USP47: variants seen among roughly 807,000 people sequenced by gnomAD.
USP47 encodes the protein ubiquitin carboxyl-terminal hydrolase 47.
In USP47, 35 loss-of-function variants were observed where a neutral mutation model predicts 165.1. The observed-to-expected ratio is 0.21, with a 90% confidence interval of 0.16 to 0.28. USP47 has a LOEUF of 0.28. Ranked by LOEUF, USP47 falls within the 10% of genes least tolerant of loss-of-function variation. The pLI is 1.00. For missense variants in USP47, 1,277 were observed against 1,607.4 expected (o/e 0.79, Z 3.52); for synonymous variants, 531 against 544.5 (o/e 0.98, Z 0.35).
intron 3 of USP47, among the ~76,000 whole-genome samples, chr11:11,890,631 A>G (rs538180056): frequency 6.6e-6 from 1 of 152,312 alleles, no homozygotes; most frequent in East Asian, 1.9e-4. Flanking sequence ...AGGCAGAAAT[A>G]CCATTTGACC....
At chr11:11,908,216 G>A (rs1852710133) in intron 8 of USP47, among the ~76,000 whole-genome samples, 1 of 152,172 alleles carries the variant, frequency 6.6e-6, no homozygotes, top group African/African-American at 2.4e-5. Flanking sequence ...AATATTATGG[G>A]TTTAATTTCA....
At chr11:11,913,224 G>T (rs1261543613) in intron 8 of USP47, among the ~76,000 whole-genome samples, 1 of 133,992 alleles carries the variant, frequency 7.5e-6, no homozygotes, top group Non-Finnish European at 1.6e-5. Flanking sequence ...GTATTTTTAG[G>T]TGATATGATT....
intron 7 of USP47, among the ~76,000 whole-genome samples, chr11:11,904,056 A>T (rs770512023): frequency 2.2e-4 from 33 of 152,170 alleles, no homozygotes; most frequent in Non-Finnish European, 4.4e-4. Context: ...AAATCAGTTT[A>T]TTGGGCCTAC....
intron 1 of USP47, 22 bp from the exon 2 acceptor site, chr11:11,880,155 C>T: frequency 1.4e-6 from 2 of 1,431,402 alleles, no homozygotes; most frequent in South Asian, 1.4e-5. Context: ...TATATAAAGT[C>T]ATATTTTTCT....
At chr11:11,869,173 CTAAGGACTCTGCCTAGCCTGA>C (rs1171993488) in intron 1 of USP47, among the ~76,000 whole-genome samples, 8 of 152,224 alleles carry the variant, frequency 5.3e-5, no homozygotes, top group African/African-American at 1.4e-4. Context: ...GGTGTCAAGG[CTAAGGACTCTGCCTAGCCTGA>C]GTACTGAGAA....
At chr11:11,930,953 T>C (rs1354963397) in intron 14 of USP47, among the ~76,000 whole-genome samples, 1 of 152,216 alleles carries the variant, frequency 6.6e-6, no homozygotes, top group Non-Finnish European at 1.5e-5. Context: ...TTTTTTAATA[T>C]ATGAAGAGAC....
intron 1 of USP47, chr11:11,873,838 A>T (rs754410503): frequency 5.2e-5 from 77 of 1,490,440 alleles, no homozygotes; most frequent in Non-Finnish European, 6.7e-5. Flanking sequence ...TCTTTGATGA[A>T]ATGAAGAAGA....
At chr11:11,933,211 A>T (rs61870735) in intron 15 of USP47, 95 bp downstream of exon 15, 1 of 957,462 alleles carries the variant, frequency 1.0e-6, no homozygotes, top group Non-Finnish European at 1.6e-6. Flanking sequence ...TGATTCTGAG[A>T]CAATTATGCT....
chr11:11,949,847 A>T (rs553024055), intron 22 of USP47, 42 bp from the exon 23 acceptor site: 1 of 1,331,996 alleles, frequency 7.5e-7, no homozygotes, highest in African/African-American at 1.5e-5. Context: ...AATGTACTTA[A>T]GGTATAATTC....
chr11:11,959,437 G>A lies in USP47; in HGVS notation c.*3262G>A, dbSNP rs1035842690. On this transcript the variant is annotated 3_prime_UTR_variant, in exon 28 of 28. Coordinates refer to ENST00000527733, the MANE Select transcript of USP47 (RefSeq NM_001282659.2). ...CTCTGTGTATGTGCGATTTACCAGGGAGATAGTAGGACAGTTTTTATGAGG... is the reference window on the plus strand; with the variant it reads ...CTCTGTGTATGTGCGATTTACCAGGAAGATAGTAGGACAGTTTTTATGAGG... The A allele has an allele frequency of 6.6e-6, 1 of 152,190 alleles. No individual in the cohort carries two copies. Among genetic ancestry groups the A allele is most frequent in the Admixed American group, 6.5e-5 (1 of 15,288 alleles). 9.4% of individuals were successfully genotyped at this position (152,190 alleles called of 1,614,324 possible).
intron 8 of USP47, among the ~76,000 whole-genome samples, chr11:11,916,617 A>G (rs1853437495): frequency 6.6e-6 from 1 of 152,166 alleles, no homozygotes; most frequent in Admixed American, 6.6e-5. Flanking sequence ...AGGACATTGA[A>G]TGGAAATGAG....
In USP47 at chr11:11,956,426, C is replaced by A. The variant is rs1383298685; in HGVS notation, c.*251C>A. On this transcript the variant is annotated 3_prime_UTR_variant, in exon 28 of 28. Coordinates refer to ENST00000527733, the MANE Select transcript of USP47 (RefSeq NM_001282659.2). ...TGTGCAAAAAAATAAAAAAAAACAA[C>A]AAAAAAAGCTAACCTTCTATTAGAA... The A allele has an allele frequency of 4.0e-5, 13 of 327,552 alleles. No individual in the cohort carries two copies. The highest frequency in any genetic ancestry group is 5.5e-5 in the Non-Finnish European group (10 of 180,906). The allele number at this position is 327,552 out of a possible 1,614,324, so 20.3% of individuals were successfully genotyped here.
At chr11:11,895,411 GTT>G (rs1851785998) in intron 4 of USP47, among the ~76,000 whole-genome samples, 1 of 152,092 alleles carries the variant, frequency 6.6e-6, no homozygotes, top group South Asian at 2.1e-4. Flanking sequence ...CAGGGGTTGT[GTT>G]CAGAAATTAT....
rs1407725631 is a variant in USP47, at chr11:11,960,258, G to A, written c.*4083G>A. Among the ~76,000 whole-genome samples the A allele has an allele frequency of 1.3e-5, 2 of 152,168 alleles. No individual in the cohort carries two copies. Among genetic ancestry groups the A allele is most frequent in the African/African-American group, 2.4e-5 (1 of 41,440 alleles). ...TGGAAGAGGCCAGGAAGAGCGGGGG[G>A]AAGACATGTGCTAACCACTTCTTAG... On this transcript the variant is annotated 3_prime_UTR_variant, in exon 28 of 28. Transcript: ENST00000527733.
At chr11:11,920,807 T>G (rs1853780952) in intron 10 of USP47, among the ~76,000 whole-genome samples, 1 of 151,846 alleles carries the variant, frequency 6.6e-6, no homozygotes, top group Non-Finnish European at 1.5e-5. Context: ...TATTTTATAA[T>G]TTCGTCGTTA....
chr11:11,942,444 T>G lies in USP47; in HGVS notation c.2423T>G (p.Leu808Arg). The part of the protein sequence containing the change: ...HANTIRLFVL[L>R]PEQSPVSYSK... Reference sequence around the variant, plus strand: ...AATACAATCAGATTATTTGTTTTGCTACCTGAACAATCCCCAGTATCTTAT... The same window carrying G: ...AATACAATCAGATTATTTGTTTTGCGACCTGAACAATCCCCAGTATCTTAT... The change falls in exon 20 of 28, where the codon CTA becomes CGA. Residue 808 changes from leucine (L) to arginine (R), a missense_variant. This residue lies in a region of USP47 where 909 missense variants were observed against 1,068.1 expected (regional missense o/e 0.85). Transcript: ENST00000527733. The G allele has an allele frequency of 4.3e-6, 7 of 1,613,668 alleles. No homozygotes were observed. The highest frequency in any genetic ancestry group is 5.9e-6 in the Non-Finnish European group (7 of 1,179,732).
chr11:11,897,096 G>C (rs1851897126), intron 4 of USP47, among the ~76,000 whole-genome samples: 1 of 149,714 alleles, frequency 6.7e-6, no homozygotes, highest in African/African-American at 2.5e-5. Context: ...TATCTCGTAT[G>C]TTATTCATTC....
At chr11:11,910,210 A>G (rs1328682221) in intron 8 of USP47, among the ~76,000 whole-genome samples, 2 of 152,152 alleles carry the variant, frequency 1.3e-5, no homozygotes, top group Admixed American at 1.3e-4. Flanking sequence ...AGAAGACTGA[A>G]AGGTGGAGAG....
intron 14 of USP47, among the ~76,000 whole-genome samples, chr11:11,931,657 G>A (rs1013121382): frequency 7.9e-5 from 12 of 152,074 alleles, no homozygotes; most frequent in Non-Finnish European, 1.6e-4. Flanking sequence ...ACCAGAGGGC[G>A]CTGTATGACA....
Sources: gnomAD v4.1 joint callset for allele counts (sites outside exome capture counted in the v4.1 genomes callset) on GRCh38, gnomAD v4.1.1 for gene constraint, gnomAD v4.1.1 regional missense constraint, MANE v1.5 for transcripts, NCBI Gene and HGNC (gene_info 2026-07-23, HGNC 2026-07-21) for gene names.